Variants in EYS observed in about 807,000 individuals in gnomAD.
EYS encodes protein eyes shut homolog.
Under a neutral mutation model 282.1 loss-of-function variants are expected in EYS, and 250 were observed. That is an observed-to-expected ratio of 0.89 (90% CI 0.80 to 0.98). The LOEUF is 0.98. Ranked by LOEUF, EYS falls within the 50% of genes least tolerant of loss-of-function variation. The pLI is 0.00. For missense variants in EYS, 4,016 were observed against 3,709.0 expected, an observed-to-expected ratio of 1.08 and a Z score of -2.15; for synonymous variants, 1,355 against 1,282.9, an observed-to-expected ratio of 1.06 and a Z score of -1.20.
intron 29 of EYS, among the ~76,000 whole-genome samples, chr6:64,334,556 G>C (rs1403539950): frequency 6.6e-6 from 1 of 152,126 alleles, no homozygotes; most frequent in East Asian, 1.9e-4. Flanking sequence ...TGAGGATGCT[G>C]TACTCTTATT....
chr6:64,793,862 T>G (rs979858127), intron 22 of EYS, among the ~76,000 whole-genome samples: 4 of 152,188 alleles, frequency 2.6e-5, no homozygotes, highest in Admixed American at 2.0e-4. Flanking sequence ...TTAGCAAATT[T>G]TTAAGCATAC....
At chr6:65,500,629 T>C (rs1766417272) in intron 2 of EYS, among the ~76,000 whole-genome samples, 1 of 152,016 alleles carries the variant, frequency 6.6e-6, no homozygotes, top group Admixed American at 6.6e-5. Context: ...CATCAACTTC[T>C]TCATAAAGCT....
At chr6:64,654,808 G>A (rs1768687829) in intron 22 of EYS, among the ~76,000 whole-genome samples, 1 of 151,900 alleles carries the variant, frequency 6.6e-6, no homozygotes, top group Non-Finnish European at 1.5e-5. Flanking sequence ...ATTTATATAG[G>A]GACAGCTATA....
intron 12 of EYS, among the ~76,000 whole-genome samples, chr6:65,136,509 T>C (rs1291349236): frequency 1.3e-5 from 2 of 152,028 alleles, no homozygotes; most frequent in Non-Finnish European, 2.9e-5. Flanking sequence ...CAACATGTAA[T>C]AATATTTATA....
rs200561261 is a variant in EYS at position 65,323,907 on chromosome 6, C to T, written c.1766+11073G>A. On this transcript the variant is annotated intron_variant, in intron 11 of 42. Coordinates refer to ENST00000503581, the MANE Select transcript of EYS (RefSeq NM_001142800.2). ...GGTAAAATCCAGAGCATTAGTAGGG[C>T]TTCTAAGGTTCTATTTAATCTATTC... is the stretch of plus-strand genomic sequence containing the variant. 2.3e-4 allele frequency among the ~76,000 whole-genome samples: 35 copies of T among 152,022 alleles called. No individual in the cohort carries two copies. In the East Asian group the frequency reaches 5.6e-3, roughly 24 times the overall value.
chr6:65,544,018 G>T (rs1405420847), intron 2 of EYS, among the ~76,000 whole-genome samples: 4 of 135,780 alleles, frequency 2.9e-5, no homozygotes, highest in African/African-American at 1.4e-4. Context: ...GTGTGTGTGT[G>T]TGTGTGTGTG....
At chr6:64,439,109 T>C in intron 27 of EYS, 53 bp downstream of exon 27, 1 of 994,772 alleles carries the variant, frequency 1.0e-6, no homozygotes, top group Admixed American at 3.6e-5. Flanking sequence ...ATGAAGCACA[T>C]AATTAGAACA....
chr6:63,788,365 A>G (rs1770422150), intron 38 of EYS, 116 bp from the exon 39 acceptor site: 1 of 778,668 alleles, frequency 1.3e-6, no homozygotes. Flanking sequence ...AAAGACCTGA[A>G]TTTTGAAGAA....
At chr6:63,835,078 G>A (rs971562650) in intron 36 of EYS, among the ~76,000 whole-genome samples, 5 of 147,042 alleles carry the variant, frequency 3.4e-5, no homozygotes, top group Non-Finnish European at 7.5e-5. Flanking sequence ...GGGAGGGTTA[G>A]CATTAAGGGA....
chr6:65,105,655 G>C lies in EYS; in HGVS notation c.2024-47928C>G, dbSNP rs866148714. Among the ~76,000 whole-genome samples, 4 of 151,942 alleles carry C rather than the reference G, an allele frequency of 2.6e-5. No individual in the cohort carries two copies. In the South Asian group the frequency reaches 8.3e-4, roughly 32 times the overall value. The stretch of plus-strand genomic sequence containing the variant: ...ATCCTGTCTGTGAAACCACTGCGGT[G>C]CACTATATAAAGGGCAAGAGAGATG... On this transcript the variant is annotated intron_variant, in intron 12 of 42. Coordinates refer to ENST00000503581, the MANE Select transcript of EYS (RefSeq NM_001142800.2).
intron 31 of EYS, among the ~76,000 whole-genome samples, chr6:64,156,866 TTTTTTTA>T (rs1774939312): frequency 1.3e-5 from 2 of 150,998 alleles, no homozygotes; most frequent in South Asian, 4.1e-4. Flanking sequence ...CATTCAGTTT[TTTTTTTA>T]ATTTTTAATT....
chr6:65,339,941 GA>G (rs938246208), intron 10 of EYS, among the ~76,000 whole-genome samples: 6 of 150,926 alleles, frequency 4.0e-5, no homozygotes, highest in Admixed American at 6.6e-5. Context: ...CATCCTATAA[GA>G]AAAAAAGAGT....
chr6:65,476,568 CT>C (rs1404328876), intron 5 of EYS, among the ~76,000 whole-genome samples: 1 of 151,220 alleles, frequency 6.6e-6, no homozygotes, highest in Non-Finnish European at 1.5e-5. Context: ...TTATTACAAG[CT>C]ATTTCTAAAA....
intron 19 of EYS, among the ~76,000 whole-genome samples, chr6:64,855,282 A>C (rs1766022362): frequency 6.6e-6 from 1 of 151,816 alleles, no homozygotes; most frequent in African/African-American, 2.4e-5. Flanking sequence ...TATCTTTTCA[A>C]AATTTCTTCT....
intron 10 of EYS, among the ~76,000 whole-genome samples, chr6:65,342,395 AT>A (rs1299364411): frequency 6.6e-6 from 1 of 151,064 alleles, no homozygotes; most frequent in African/African-American, 2.4e-5. Flanking sequence ...ATGTATTAGA[AT>A]GTTTTATTGA....
intron 40 of EYS, among the ~76,000 whole-genome samples, chr6:63,771,355 G>T (rs1328868749): frequency 6.6e-6 from 1 of 152,098 alleles, no homozygotes; most frequent in African/African-American, 2.4e-5. Flanking sequence ...TGCAGTGGTG[G>T]GGTGACCAAA....
intron 33 of EYS, among the ~76,000 whole-genome samples, chr6:64,016,117 A>G (rs1768877827): frequency 6.6e-6 from 1 of 152,168 alleles, no homozygotes; most frequent in Non-Finnish European, 1.5e-5. Flanking sequence ...AAGCAATGCA[A>G]CCAATCAGGA....
chr6:64,126,113 A>G (rs147757540), intron 31 of EYS, among the ~76,000 whole-genome samples: 1 of 152,212 alleles, frequency 6.6e-6, no homozygotes, highest in East Asian at 1.9e-4. Flanking sequence ...GTGGGACTAT[A>G]AACTAGTTCA....
chr6:64,564,434 C>T (rs537688454), intron 26 of EYS, among the ~76,000 whole-genome samples: 1 of 151,502 alleles, frequency 6.6e-6, no homozygotes, highest in East Asian at 1.9e-4. Context: ...CACACCACCA[C>T]GCCCAGCTAT....
Sources: allele counts gnomAD v4.1 joint callset (sites outside exome capture counted in the v4.1 genomes callset), GRCh38; gene constraint gnomAD v4.1.1; transcripts MANE v1.5; gene names NCBI Gene and HGNC (gene_info 2026-07-23, HGNC 2026-07-21).